The following NIM1K variants were observed in gnomAD, a reference collection of about 807,000 sequenced individuals.
NIM1K encodes serine/threonine-protein kinase NIM1.
NIM1K carries 35 observed loss-of-function variants against 37.1 expected under a neutral mutation model. The observed-to-expected ratio is 0.94, with a 90% CI of 0.72 to 1.25. NIM1K has a LOEUF of 1.25. Ranked by LOEUF, NIM1K falls within the 50% of genes most tolerant of loss-of-function variation. NIM1K has a pLI of 0.00. For missense variants in NIM1K, 564 were observed against 548.0 expected, an observed-to-expected ratio of 1.03 and a Z score of -0.29; for synonymous variants, 234 against 206.6, an observed-to-expected ratio of 1.13 and a Z score of -1.14.
chr5:43,237,167 C>A (rs1311101120), intron 1 of NIM1K, among the ~76,000 whole-genome samples: 2 of 152,158 alleles, frequency 1.3e-5, no homozygotes, highest in African/African-American at 4.8e-5. Context: ...CCTTGCCAAC[C>A]AATGAAAAGG....
At chr5:43,239,329 C>A (rs1478304639) in intron 1 of NIM1K, among the ~76,000 whole-genome samples, 1 of 151,848 alleles carries the variant, frequency 6.6e-6, no homozygotes, top group Non-Finnish European at 1.5e-5. Flanking sequence ...CCTCAGCTTC[C>A]CGGGTTCAAG....
chr5:43,252,974 CTTT>C (rs889713648), intron 2 of NIM1K, among the ~76,000 whole-genome samples: 1 of 139,562 alleles, frequency 7.2e-6, no homozygotes, highest in African/African-American at 2.6e-5. Context: ...TCCTTCCTTC[CTTT>C]TTTTTTTTTT....
At chr5:43,262,631 C>T (rs185483738) in intron 2 of NIM1K, among the ~76,000 whole-genome samples, 116 of 152,220 alleles carry the variant, frequency 7.6e-4, no homozygotes, top group African/African-American at 2.6e-3. Context: ...CTGGCCAGAA[C>T]TTCCAACACT....
intron 1 of NIM1K, among the ~76,000 whole-genome samples, chr5:43,226,868 G>A (rs1752463671): frequency 6.6e-6 from 1 of 152,184 alleles, no homozygotes; most frequent in African/African-American, 2.4e-5. Context: ...AGTAGCAGAG[G>A]GAAATGTGAG....
chr5:43,195,375 T>C (rs553520369), intron 1 of NIM1K, among the ~76,000 whole-genome samples: 2 of 152,308 alleles, frequency 1.3e-5, no homozygotes, highest in Admixed American at 6.5e-5. Context: ...AGCCAAGTGA[T>C]AGGTCGGTGC....
chr5:43,271,930 C>A (rs543821848), intron 2 of NIM1K, among the ~76,000 whole-genome samples: 30 of 152,250 alleles, frequency 2.0e-4, no homozygotes, highest in African/African-American at 6.0e-4. Flanking sequence ...ACAGTAGTAA[C>A]CTTTTAGGAT....
chr5:43,231,803 G>A (rs566139473), intron 1 of NIM1K: 29 of 1,220,472 alleles, frequency 2.4e-5, no homozygotes, highest in East Asian at 8.0e-5. Flanking sequence ...CCTTTGTGAC[G>A]TTTTCACTTT....
At chr5:43,235,146 C>A (rs1752603457) in intron 1 of NIM1K, among the ~76,000 whole-genome samples, 1 of 152,168 alleles carries the variant, frequency 6.6e-6, no homozygotes, top group African/African-American at 2.4e-5. Context: ...AACATATAGA[C>A]AAGGGTGAAC....
At chr5:43,195,252 A>C (rs1269450796) in intron 1 of NIM1K, among the ~76,000 whole-genome samples, 1 of 152,234 alleles carries the variant, frequency 6.6e-6, no homozygotes, top group Non-Finnish European at 1.5e-5. Context: ...AATTAACCAC[A>C]TCATAGTTCT....
intron 1 of NIM1K, among the ~76,000 whole-genome samples, chr5:43,213,221 C>T (rs10053824): frequency 0.046 from 1,978 of 43,210 alleles, 66 homozygotes; most frequent in African/African-American, 0.14. Flanking sequence ...TTCTTTCTTT[C>T]TTTCCTTCTT....
chr5:43,204,314 C>T (rs1486111780), intron 1 of NIM1K, among the ~76,000 whole-genome samples: 1 of 150,706 alleles, frequency 6.6e-6, no homozygotes, highest in Non-Finnish European at 1.5e-5. Context: ...GAACTCCTGA[C>T]CTCAAGTGAT....
At chr5:43,258,751 T>C (rs887514805) in intron 2 of NIM1K, among the ~76,000 whole-genome samples, 7 of 152,144 alleles carry the variant, frequency 4.6e-5, no homozygotes, top group African/African-American at 7.2e-5. Context: ...CTCGTATGCA[T>C]TTTTATTGGG....
chr5:43,242,609 T>G (rs967248844), intron 1 of NIM1K, among the ~76,000 whole-genome samples: 1 of 151,888 alleles, frequency 6.6e-6, no homozygotes, highest in Non-Finnish European at 1.5e-5. Context: ...TGAAATAAAC[T>G]GAGATAGTTA....
rs182307353 is a variant in NIM1K, at chr5:43,196,583, C to T, written c.-695+4172C>T. 2.9e-3 allele frequency among the ~76,000 whole-genome samples: 448 copies of T among 151,896 alleles called. 4 individuals are homozygous for T. The highest frequency in any genetic ancestry group is 0.01 in the African/African-American group (429 of 41,420). On this transcript the variant is annotated intron_variant, in intron 1 of 3. Transcript: ENST00000326035. ...CTGAGAGATGGAGCTTGTAGTGAGCCGAGATCGCGCCACTGCACTCCAGCC... is the reference window on the plus strand; with the variant it reads ...CTGAGAGATGGAGCTTGTAGTGAGCTGAGATCGCGCCACTGCACTCCAGCC...
intron 2 of NIM1K, among the ~76,000 whole-genome samples, chr5:43,248,307 T>C (rs1456447467): frequency 6.6e-6 from 1 of 152,142 alleles, no homozygotes; most frequent in African/African-American, 2.4e-5. Flanking sequence ...ATAGGGGACT[T>C]TGAACGTTAT....
chr5:43,217,987 C>T (rs1752327167), intron 1 of NIM1K, among the ~76,000 whole-genome samples: 2 of 152,144 alleles, frequency 1.3e-5, no homozygotes, highest in South Asian at 2.1e-4. Flanking sequence ...GCTGGGATTA[C>T]AGGCGTGAGC....
In NIM1K at chr5:43,277,150, A is replaced by G; in HGVS notation, c.386A>G (p.His129Arg). The change falls in exon 3 of 4, where the codon CAC becomes CGC. Residue 129 changes from histidine (H) to arginine (R), a missense_variant. Coordinates refer to ENST00000326035, the MANE Select transcript of NIM1K (RefSeq NM_153361.4). ...SREISSMEKLHHPNIIRLYEV... is the reference protein window; with the variant it reads ...SREISSMEKLRHPNIIRLYEV... The stretch of plus-strand genomic sequence containing the variant: ...GAAATCTCCAGCATGGAAAAGCTGC[A>G]CCATCCCAACATCATCCGCCTTTAC... 6.2e-7 allele frequency: 1 copy of G among 1,614,172 alleles called. No homozygotes were observed. The highest frequency in any genetic ancestry group is 1.1e-5 in the South Asian group (1 of 91,074).
chr5:43,206,453 T>C (rs899510689), intron 1 of NIM1K, among the ~76,000 whole-genome samples: 1 of 146,898 alleles, frequency 6.8e-6, no homozygotes, highest in Admixed American at 6.9e-5. Context: ...TGAGCCATGA[T>C]TGTGCCGCTG....
intron 1 of NIM1K, among the ~76,000 whole-genome samples, chr5:43,213,147 CATTTTCTTTCTTTCTTTTTT>C (rs1404365388): frequency 6.7e-6 from 1 of 148,924 alleles, no homozygotes; most frequent in African/African-American, 2.5e-5. Flanking sequence ...AAAAAATCTC[CATTTTCTTTCTTTCTTTTTT>C]TCTTTCTTTC....
Sources: gnomAD v4.1 joint callset for allele counts (sites outside exome capture counted in the v4.1 genomes callset) on GRCh38, gnomAD v4.1.1 for gene constraint, MANE v1.5 for transcripts, NCBI Gene and HGNC (gene_info 2026-07-23, HGNC 2026-07-21) for gene names.